Variants in DENND1B observed in about 807,000 individuals in gnomAD.
DENND1B encodes the protein DENN domain containing 1B.
Under a neutral mutation model 90.1 loss-of-function variants are expected in DENND1B, and 59 were observed. The ratio of observed to expected loss-of-function variants is 0.65; its 90% confidence interval spans 0.53 to 0.81. The LOEUF (loss-of-function observed/expected upper bound fraction) is 0.81. Ranked by LOEUF, DENND1B falls within the 40% of genes least tolerant of loss-of-function variation. The pLI is 0.00. For missense variants in DENND1B, 862 were observed against 912.6 expected (o/e 0.94, Z 0.71); for synonymous variants, 337 against 324.6 (o/e 1.04, Z -0.41).
chr1:197,757,142 A>C (rs971117552), intron 2 of DENND1B, among the ~76,000 whole-genome samples: 10 of 152,162 alleles, frequency 6.6e-5, no homozygotes, highest in African/African-American at 2.4e-4. Flanking sequence ...ATATTCATAT[A>C]ATTTATTATC....
intron 14 of DENND1B, among the ~76,000 whole-genome samples, chr1:197,594,989 T>A (rs1232198063): frequency 6.6e-6 from 1 of 152,114 alleles, no homozygotes; most frequent in Non-Finnish European, 1.5e-5. Context: ...ACACAAAGAC[T>A]TTGGGAAATA....
chr1:197,739,483 G>A (rs543445094), intron 2 of DENND1B, among the ~76,000 whole-genome samples: 3 of 152,076 alleles, frequency 2.0e-5, no homozygotes, highest in Non-Finnish European at 4.4e-5. Context: ...AACATCACAG[G>A]AAAATCCCCA....
intron 2 of DENND1B, among the ~76,000 whole-genome samples, chr1:197,732,005 C>T (rs571339284): frequency 4.6e-5 from 7 of 152,054 alleles, no homozygotes; most frequent in Non-Finnish European, 8.8e-5. Flanking sequence ...CATTGTAAGG[C>T]GAGATGGAAA....
chr1:197,539,520 T>C (rs970486974), intron 20 of DENND1B, among the ~76,000 whole-genome samples: 3 of 152,230 alleles, frequency 2.0e-5, no homozygotes, highest in East Asian at 1.9e-4. Context: ...GCTTTAACTA[T>C]TTATAGCAAA....
At chr1:197,718,885 G>A (rs973897195) in intron 2 of DENND1B, among the ~76,000 whole-genome samples, 77 of 152,222 alleles carry the variant, frequency 5.1e-4, no homozygotes, top group African/African-American at 1.6e-3. Context: ...ATTGGCAAGG[G>A]AAGCCACTGA....
At chr1:197,777,551 G>A (rs751806537), upstream of DENND1B, among the ~76,000 whole-genome samples, 3 of 152,144 alleles carry the variant, frequency 2.0e-5, no homozygotes, top group Non-Finnish European at 4.4e-5. Context: ...CTTGGTAATA[G>A]CTTTAATGAA....
chr1:197,591,465 G>C (rs1369567604), intron 14 of DENND1B, among the ~76,000 whole-genome samples: 1 of 152,088 alleles, frequency 6.6e-6, no homozygotes, highest in African/African-American at 2.4e-5. Context: ...TGCAGAAAGA[G>C]AAAAATAGAC....
chr1:197,657,623 T>C (rs566356939), intron 6 of DENND1B, among the ~76,000 whole-genome samples: 1 of 152,276 alleles, frequency 6.6e-6, no homozygotes, highest in Admixed American at 6.5e-5. Context: ...ACGGAACCCT[T>C]GTACATTACT....
At position 197,694,202 on chromosome 1, in the gene DENND1B, C is replaced by T. The variant is rs567610190; in HGVS notation, c.127-20033G>A. Among the ~76,000 whole-genome samples the T allele has an allele frequency of 4.1e-4, 61 of 150,494 alleles. No individual in the cohort carries two copies. In the South Asian group the frequency reaches 6.9e-3, roughly 17 times the overall value. ...TCATTTTATAACCCACTCAACTTAG[C>T]CTTATTTTGCTAAAAAAAAATTAGA... is the stretch of plus-strand genomic sequence containing the variant. On this transcript the variant is annotated intron_variant, in intron 3 of 22. Transcript: ENST00000620048.
At chr1:197,545,069 G>GAAT (rs76235292) in intron 18 of DENND1B, among the ~76,000 whole-genome samples, 117,064 of 130,374 alleles carry the variant, frequency 0.9, 53,926 homozygotes, top group Non-Finnish European at 0.99. Flanking sequence ...AGAAGAAGAA[G>GAAT]AATTCCAAGA....
chr1:197,693,710 T>C (rs1432934511), intron 3 of DENND1B, among the ~76,000 whole-genome samples: 2 of 151,584 alleles, frequency 1.3e-5, no homozygotes, highest in Non-Finnish European at 3.0e-5. Context: ...TCCATCATCT[T>C]TTCATCAGTT....
intron 3 of DENND1B, among the ~76,000 whole-genome samples, chr1:197,683,062 T>A (rs1656856827): frequency 6.6e-6 from 1 of 152,010 alleles, no homozygotes; most frequent in African/African-American, 2.4e-5. Context: ...GAATGAGGAA[T>A]CAGAATGGAT....
At chr1:197,564,752 G>A (rs1370007421) in intron 15 of DENND1B, among the ~76,000 whole-genome samples, 1 of 151,716 alleles carries the variant, frequency 6.6e-6, no homozygotes, top group Non-Finnish European at 1.5e-5. Context: ...TTTAATCCAG[G>A]CCTCTTTAAT....
chr1:197,522,961 G>A (rs929444765), intron 20 of DENND1B, among the ~76,000 whole-genome samples: 2 of 151,248 alleles, frequency 1.3e-5, no homozygotes, highest in Non-Finnish European at 2.9e-5. Context: ...CTCAAAGACA[G>A]GGGGAGTTTG....
intron 3 of DENND1B, among the ~76,000 whole-genome samples, chr1:197,685,326 C>A (rs1305267373): frequency 6.6e-6 from 1 of 152,066 alleles, no homozygotes; most frequent in Non-Finnish European, 1.5e-5. Context: ...GCTGTCTATA[C>A]CTGGTGGTCA....
chr1:197,600,779 T>C (rs1016919281), intron 13 of DENND1B, among the ~76,000 whole-genome samples: 30 of 151,796 alleles, frequency 2.0e-4, no homozygotes, highest in African/African-American at 6.5e-4. Context: ...AGCTCCTAAC[T>C]GCTTCCATAC....
At chr1:197,628,837 A>C (rs1679045841) in intron 10 of DENND1B, among the ~76,000 whole-genome samples, 1 of 151,968 alleles carries the variant, frequency 6.6e-6, no homozygotes, top group South Asian at 2.1e-4. Flanking sequence ...CAAGAAAAAA[A>C]CAAACAACCC....
At chr1:197,729,504 T>A (rs1383235783) in intron 2 of DENND1B, among the ~76,000 whole-genome samples, 4 of 152,132 alleles carry the variant, frequency 2.6e-5, no homozygotes, top group Non-Finnish European at 5.9e-5. Context: ...GAGAGGGAAG[T>A]GATCTGCCCT....
intron 12 of DENND1B, among the ~76,000 whole-genome samples, chr1:197,611,515 A>T (rs1308342181): frequency 6.6e-6 from 1 of 150,790 alleles, no homozygotes; most frequent in African/African-American, 2.4e-5. Flanking sequence ...GTACACACTG[A>T]TAAATGGGAA....
Sources: allele counts gnomAD v4.1 joint callset (sites outside exome capture counted in the v4.1 genomes callset), GRCh38; gene constraint gnomAD v4.1.1; transcripts MANE v1.5; gene names NCBI Gene and HGNC (gene_info 2026-07-23, HGNC 2026-07-21).